Variants in ELAVL2 observed in about 807,000 individuals in gnomAD.
ELAVL2 encodes ELAV like RNA binding protein 2.
A neutral mutation model predicts 34.6 loss-of-function variants in ELAVL2; 4 were observed. The observed-to-expected ratio is 0.12, with a 90% CI of 0.06 to 0.26. The LOEUF is 0.26. Among genes scored for constraint, ELAVL2 ranks in the 10% least tolerant of loss-of-function variants. ELAVL2 has a pLI of 1.00. For synonymous variants in ELAVL2, 193 were observed against 154.8 expected (o/e 1.25, Z -1.83); for missense variants, 432 against 442.8 (o/e 0.98, Z 0.22).
At chr9:23,702,971 A>AAAAAAAC (rs1563957287) in intron 4 of ELAVL2, among the ~76,000 whole-genome samples, 2 of 146,602 alleles carry the variant, frequency 1.4e-5, no homozygotes, top group Admixed American at 6.8e-5. Flanking sequence ...AAAAAAAAAA[A>AAAAAAAC]AAAAAAAAAA....
At chr9:23,750,356 T>C (rs1364509793) in intron 2 of ELAVL2, among the ~76,000 whole-genome samples, 1 of 152,084 alleles carries the variant, frequency 6.6e-6, no homozygotes, top group Non-Finnish European at 1.5e-5. Context: ...AAATCGGTAT[T>C]AACAATTCTG....
At chr9:23,798,321 G>A (rs1243516801) in intron 1 of ELAVL2, among the ~76,000 whole-genome samples, 2 of 152,266 alleles carry the variant, frequency 1.3e-5, no homozygotes, top group African/African-American at 4.8e-5. Context: ...CAGTATAGAT[G>A]TTACTGTGCA....
chr9:23,738,642 C>A (rs375050252), intron 2 of ELAVL2, among the ~76,000 whole-genome samples: 1 of 152,126 alleles, frequency 6.6e-6, no homozygotes, highest in African/African-American at 2.4e-5. Flanking sequence ...ATAAAGCTGG[C>A]CTGAGACTGA....
chr9:23,824,033 G>A (rs540616233), intron 1 of ELAVL2, among the ~76,000 whole-genome samples: 257 of 152,302 alleles, frequency 1.7e-3, no homozygotes, highest in African/African-American at 4.1e-3. Context: ...CAGAATCCGT[G>A]CATTTCGGGG....
chr9:23,819,868 T>A (rs2064284814), intron 1 of ELAVL2, among the ~76,000 whole-genome samples: 1 of 152,154 alleles, frequency 6.6e-6, no homozygotes, highest in Non-Finnish European at 1.5e-5. Flanking sequence ...CTCTTCTTTC[T>A]CTCCCCATAG....
At chr9:23,752,576 T>G (rs746661287) in intron 2 of ELAVL2, among the ~76,000 whole-genome samples, 2 of 151,956 alleles carry the variant, frequency 1.3e-5, no homozygotes, top group Non-Finnish European at 2.9e-5. Flanking sequence ...TGTCTCAGCC[T>G]CCTGAAGAGC....
chr9:23,701,243 T>G, intron 5 of ELAVL2, 136 bp downstream of exon 5: 1 of 919,052 alleles, frequency 1.1e-6, no homozygotes, highest in South Asian at 1.6e-5. Context: ...CCCATGGAGA[T>G]GAAAAATTAA....
chr9:23,755,107 T>C (rs1168512639), intron 2 of ELAVL2, among the ~76,000 whole-genome samples: 1 of 152,162 alleles, frequency 6.6e-6, no homozygotes, highest in African/African-American at 2.4e-5. Context: ...CCCTGACCAC[T>C]TTAGTTTTAT....
At chr9:23,807,958 T>G (rs1027070695) in intron 1 of ELAVL2, among the ~76,000 whole-genome samples, 2 of 152,188 alleles carry the variant, frequency 1.3e-5, no homozygotes, top group East Asian at 3.8e-4. Context: ...CAAATTACGT[T>G]GTCCTGCAAA....
the ELAVL2 span, among the ~76,000 whole-genome samples, chr9:23,848,528 T>A: frequency 1.3e-5 from 2 of 152,210 alleles, no homozygotes; most frequent in Admixed American, 1.3e-4. Context: ...AAGGTATCAC[T>A]TTCCTGTGGT....
At chr9:23,720,882 G>A (rs1204077353) in intron 3 of ELAVL2, among the ~76,000 whole-genome samples, 1 of 152,106 alleles carries the variant, frequency 6.6e-6, no homozygotes, top group Non-Finnish European at 1.5e-5. Context: ...GTCTCTCTCT[G>A]CAGATAATCA....
At chr9:23,717,536 C>T (rs549052384) in intron 3 of ELAVL2, among the ~76,000 whole-genome samples, 1 of 152,268 alleles carries the variant, frequency 6.6e-6, no homozygotes, top group East Asian at 1.9e-4. Context: ...CTAAAAGGTA[C>T]ACATCACGTG....
intron 1 of ELAVL2, among the ~76,000 whole-genome samples, chr9:23,766,800 T>G (rs2056359745): frequency 6.6e-6 from 1 of 152,154 alleles, no homozygotes; most frequent in African/African-American, 2.4e-5. Flanking sequence ...CTACTTCCCC[T>G]TCACTTAAGG....
intron 2 of ELAVL2, among the ~76,000 whole-genome samples, chr9:23,742,154 C>G (rs965745346): frequency 2.0e-5 from 3 of 152,170 alleles, no homozygotes; most frequent in African/African-American, 7.2e-5. Context: ...ATAAAACTAA[C>G]AGATATGGAT....
chr9:23,790,456 G>A (rs76400274), intron 1 of ELAVL2, among the ~76,000 whole-genome samples: 9 of 152,156 alleles, frequency 5.9e-5, no homozygotes, highest in Non-Finnish European at 7.4e-5. Flanking sequence ...CAGGCATATC[G>A]GCTGCTCTGG....
chr9:23,812,139 C>A (rs1325446907), intron 1 of ELAVL2, among the ~76,000 whole-genome samples: 1 of 151,950 alleles, frequency 6.6e-6, no homozygotes, highest in South Asian at 2.1e-4. Context: ...TTTAAGTTAT[C>A]ATTTTCTGCC....
At chr9:23,849,096 G>A in the ELAVL2 span, among the ~76,000 whole-genome samples, 1 of 152,190 alleles carries the variant, frequency 6.6e-6, no homozygotes, top group African/African-American at 2.4e-5. Flanking sequence ...CAAATACTGT[G>A]TTGATACCTA....
chr9:23,827,598 C>G (rs907354809), upstream of ELAVL2, among the ~76,000 whole-genome samples: 1 of 151,580 alleles, frequency 6.6e-6, no homozygotes, highest in African/African-American at 2.4e-5. Context: ...AGGCACATGC[C>G]TTTTTGAAAG....
At chr9:23,715,160 C>T (rs2041972400) in intron 3 of ELAVL2, among the ~76,000 whole-genome samples, 1 of 152,160 alleles carries the variant, frequency 6.6e-6, no homozygotes, top group African/African-American at 2.4e-5. Flanking sequence ...TGGCCTTGTG[C>T]AGGAGGTTTT....
Sources: gnomAD v4.1 joint callset for allele counts (sites outside exome capture counted in the v4.1 genomes callset) on GRCh38, gnomAD v4.1.1 for gene constraint, MANE v1.5 for transcripts, NCBI Gene and HGNC (gene_info 2026-07-23, HGNC 2026-07-21) for gene names.